RNF2: variants seen among roughly 807,000 people sequenced by gnomAD.
The protein encoded by RNF2 is ring finger protein 2, also known as E3 ubiquitin-protein ligase RING2.
RNF2 carries 6 observed loss-of-function variants against 37.2 expected under a neutral mutation model. That is an observed-to-expected ratio of 0.16 (90% CI 0.09 to 0.32). The LOEUF is 0.32. RNF2 is among the 10% of genes least tolerant of loss of function. The pLI is 1.00. For missense variants in RNF2, 251 were observed against 404.0 expected, an observed-to-expected ratio of 0.62 and a Z score of 3.25; for synonymous variants, 133 against 132.7, an observed-to-expected ratio of 1.00 and a Z score of -0.02.
Position 185,054,988 on chromosome 1 carries a change from A to G in RNF2, c.-3+9339A>G, listed in dbSNP as rs143292461. Among the ~76,000 whole-genome samples, 248 of 152,288 alleles carry G rather than the reference A, an allele frequency of 1.6e-3. 1 individual carries two copies. Among genetic ancestry groups the G allele is most frequent in the African/African-American group, 5.5e-3 (230 of 41,564 alleles). On this transcript the variant is annotated intron_variant, in intron 1 of 6. Coordinates refer to ENST00000367510, the MANE Select transcript of RNF2 (RefSeq NM_007212.4). ...GTGCTAGGATTACAGGCATGAGCCAATGCACCTGCTGTTTCTTTTCACCAA... is the reference window on the plus strand; with the variant it reads ...GTGCTAGGATTACAGGCATGAGCCAGTGCACCTGCTGTTTCTTTTCACCAA...
Position 185,100,427 on chromosome 1 carries a change from C to T in RNF2, c.*126C>T. On this transcript the variant is annotated 3_prime_UTR_variant, in exon 7 of 7. Transcript: ENST00000367510. ...TGTTCAATTTTCTTTCTGAGCCAGA[C>T]TAGTTTACGCTATTCAAATCTTTTC... The T allele has an allele frequency of 2.0e-6, 1 of 498,078 alleles. No individual in the cohort carries two copies. Among genetic ancestry groups the T allele is most frequent in the Non-Finnish European group, 3.5e-6 (1 of 284,542 alleles). The allele number at this position is 498,078 out of a possible 1,614,324, so 30.9% of individuals were successfully genotyped here. A position where few individuals can be genotyped will look rare whatever the true frequency, so the allele number is the denominator to read the frequency against.
chr1:185,048,275 T>C (rs762628231), intron 1 of RNF2, among the ~76,000 whole-genome samples: 2 of 152,238 alleles, frequency 1.3e-5, no homozygotes, highest in Non-Finnish European at 2.9e-5. Context: ...TTTTATGTTG[T>C]GTGGAGCAAC....
chr1:185,054,384 G>C (rs1650365596), intron 1 of RNF2, among the ~76,000 whole-genome samples: 1 of 152,190 alleles, frequency 6.6e-6, no homozygotes, highest in East Asian at 1.9e-4. Flanking sequence ...CGACTCCGGA[G>C]AGGACGTGTC....
chr1:185,067,616 CTT>C (rs932310902), intron 1 of RNF2, among the ~76,000 whole-genome samples: 4 of 150,404 alleles, frequency 2.7e-5, no homozygotes, highest in Non-Finnish European at 5.9e-5. Flanking sequence ...CTTAGTTTTT[CTT>C]TGTTTCATAG....
intron 5 of RNF2, among the ~76,000 whole-genome samples, chr1:185,099,136 T>C (rs1571330121): frequency 6.9e-6 from 1 of 144,496 alleles, no homozygotes; most frequent in Admixed American, 6.9e-5. Context: ...ACTGCAACCT[T>C]TGCCTCCCGA....
intron 1 of RNF2, among the ~76,000 whole-genome samples, chr1:185,067,490 A>G (rs1327929620): frequency 6.6e-6 from 1 of 152,240 alleles, no homozygotes; most frequent in African/African-American, 2.4e-5. Context: ...ATAAAAGGAA[A>G]AGAAAAATGC....
Position 185,099,912 on chromosome 1 carries a change from A to T in RNF2, c.859A>T (p.Ser287Cys). 1 of 1,614,068 alleles carries T rather than the reference A, an allele frequency of 6.2e-7. No homozygotes were observed. Among genetic ancestry groups the T allele is most frequent in the Admixed American group, 1.7e-5 (1 of 60,020 alleles). The change falls in exon 6 of 7, where the codon AGT becomes TGT. Residue 287 changes from serine (S) to cysteine (C), a missense_variant. By Grantham distance (112) the Ser-to-Cys change is moderately radical. Coordinates refer to ENST00000367510, the MANE Select transcript of RNF2 (RefSeq NM_007212.4). The part of the protein sequence containing the change: ...ESNQMNLDTA[S>C]EKQYTIYIAT... ...AAACCAGATGAACCTTGATACAGCC[A>T]GTGAGAAGCAGTATACCATTTATAT... is the stretch of plus-strand genomic sequence containing the variant.
At position 185,093,121 on chromosome 1, in the gene RNF2, C is replaced by T. The variant is rs369872635; in HGVS notation, c.309C>T (p.Asp103=). 1 of 1,613,960 alleles carries T rather than the reference C, an allele frequency of 6.2e-7. No homozygotes were observed. The highest frequency in any genetic ancestry group is 8.5e-7 in the Non-Finnish European group (1 of 1,179,894). Residue 103 remains aspartate (D), a synonymous_variant, in exon 4 of 7, where the codon GAC becomes GAT. Transcript: ENST00000367510. ...KLVSKRSLRP[D]PNFDALISKI... Reference sequence around the variant, plus strand: ...TTTCCAAAAGATCACTAAGGCCAGACCCAAACTTTGATGCACTCATCAGCA... The same window carrying T: ...TTTCCAAAAGATCACTAAGGCCAGATCCAAACTTTGATGCACTCATCAGCA...
chr1:185,061,306 T>G (rs940137341), intron 1 of RNF2, among the ~76,000 whole-genome samples: 2 of 151,756 alleles, frequency 1.3e-5, no homozygotes, highest in African/African-American at 4.8e-5. Flanking sequence ...TTTTTGTATT[T>G]TTAGTAGAGA....
At chr1:185,058,199 T>C (rs1650491405) in intron 1 of RNF2, among the ~76,000 whole-genome samples, 1 of 152,190 alleles carries the variant, frequency 6.6e-6, no homozygotes, top group Admixed American at 6.5e-5. Context: ...TTGTATTAGG[T>C]AGTATAGGTA....
At chr1:185,088,983 T>C (rs1268419323) in intron 2 of RNF2, among the ~76,000 whole-genome samples, 1 of 137,818 alleles carries the variant, frequency 7.3e-6, no homozygotes, top group Non-Finnish European at 1.5e-5. Flanking sequence ...TAAAGTAATT[T>C]AGAGATGATT....
chr1:185,049,318 G>C (rs144744840), intron 1 of RNF2, among the ~76,000 whole-genome samples: 90 of 152,262 alleles, frequency 5.9e-4, no homozygotes, highest in African/African-American at 2.0e-3. Context: ...TTATTTCTAG[G>C]ATATGTGCTA....
At chr1:185,078,517 T>C (rs1198678929) in intron 1 of RNF2, among the ~76,000 whole-genome samples, 1 of 152,184 alleles carries the variant, frequency 6.6e-6, no homozygotes, top group Non-Finnish European at 1.5e-5. Context: ...TGAAGGTCCC[T>C]AGTTTAACTC....
chr1:185,055,219 A>G (rs1415167808), intron 1 of RNF2, among the ~76,000 whole-genome samples: 5 of 152,180 alleles, frequency 3.3e-5, no homozygotes, highest in Admixed American at 6.5e-5. Context: ...CGGATTTTCT[A>G]ATATCTGCAT....
intron 1 of RNF2, among the ~76,000 whole-genome samples, chr1:185,072,988 G>T (rs1651031496): frequency 1.3e-5 from 2 of 150,284 alleles, no homozygotes; most frequent in Admixed American, 6.6e-5. Context: ...AATGACATGT[G>T]TTTAGGTTGT....
intron 1 of RNF2, among the ~76,000 whole-genome samples, chr1:185,082,453 C>T (rs758962313): frequency 8.0e-5 from 12 of 150,112 alleles, no homozygotes; most frequent in South Asian, 2.1e-4. Flanking sequence ...CAGGTTCAAG[C>T]GATCCTCCTG....
At chr1:185,068,641 T>C (rs1387715382) in intron 1 of RNF2, among the ~76,000 whole-genome samples, 1 of 152,204 alleles carries the variant, frequency 6.6e-6, no homozygotes, top group Non-Finnish European at 1.5e-5. Context: ...GTACTTTTAT[T>C]TTGGCCCAGT....
intron 1 of RNF2, among the ~76,000 whole-genome samples, chr1:185,075,185 G>T (rs964202302): frequency 4.6e-5 from 7 of 152,086 alleles, no homozygotes; most frequent in Non-Finnish European, 1.0e-4. Context: ...GTAGAGACGG[G>T]TTTTCGCCGT....
chr1:185,051,288 C>A (rs1312035374), intron 1 of RNF2, among the ~76,000 whole-genome samples: 1 of 152,142 alleles, frequency 6.6e-6, no homozygotes, highest in African/African-American at 2.4e-5. Context: ...TACTGTATTA[C>A]AGAAGGGGTA....
Sources: gnomAD v4.1 joint callset for allele counts (sites outside exome capture counted in the v4.1 genomes callset) on GRCh38, gnomAD v4.1.1 for gene constraint, MANE v1.5 for transcripts, NCBI Gene and HGNC (gene_info 2026-07-23, HGNC 2026-07-21) for gene names.